Variants in RPS6KC1 observed in about 807,000 individuals in gnomAD.
RPS6KC1 encodes inactive ribosomal protein S6 kinase delta-1.
Under a neutral mutation model 103.8 loss-of-function variants are expected in RPS6KC1, and 54 were observed. That is an observed-to-expected ratio of 0.52 (90% CI 0.42 to 0.65). The LOEUF (loss-of-function observed/expected upper bound fraction) is 0.65, where lower values mean the gene tolerates loss of function less well. Among genes scored for constraint, RPS6KC1 ranks in the 30% least tolerant of loss-of-function variants. The pLI, the probability that RPS6KC1 is intolerant of heterozygous loss-of-function variation, is 0.00. For synonymous variants in RPS6KC1, 439 were observed against 438.7 expected (o/e 1.00, Z -0.01); for missense variants, 1,151 against 1,253.8 (o/e 0.92, Z 1.24).
chr1:213,602,104 C>CTT, the RPS6KC1 span, among the ~76,000 whole-genome samples: 173 of 29,714 alleles, frequency 5.8e-3, 15 homozygotes, highest in African/African-American at 0.017. Context: ...TTCTTTCTTT[C>CTT]TTTCTTTCTT....
the RPS6KC1 span, among the ~76,000 whole-genome samples, chr1:213,304,154 C>T: frequency 1.4e-5 from 2 of 145,112 alleles, no homozygotes; most frequent in Non-Finnish European, 3.0e-5. Context: ...TGCAGTGAGC[C>T]GAGATCCCGC....
At position 213,221,334 on chromosome 1, in the gene RPS6KC1, G is replaced by A. The variant is rs1436547726; in HGVS notation, c.1045-9163G>A. 2.6e-5 allele frequency among the ~76,000 whole-genome samples: 4 copies of A among 151,990 alleles called. No homozygotes were observed. In the East Asian group the frequency reaches 5.8e-4, roughly 22 times the overall value. On this transcript the variant is annotated intron_variant, in intron 8 of 14. Coordinates refer to ENST00000366960, the MANE Select transcript of RPS6KC1 (RefSeq NM_012424.6). Reference sequence around the variant, plus strand: ...CATAGGCGAACTGATGCTTCATGACGTTCTGTGTTTTCTGGTAGCTTGCCT... The same window carrying A: ...CATAGGCGAACTGATGCTTCATGACATTCTGTGTTTTCTGGTAGCTTGCCT...
At chr1:213,778,060 G>A in the RPS6KC1 span, among the ~76,000 whole-genome samples, 1 of 152,112 alleles carries the variant, frequency 6.6e-6, no homozygotes, top group Non-Finnish European at 1.5e-5. Context: ...GTCTGAACCC[G>A]AAATCCCAAT....
At chr1:213,149,893 A>G (rs1010194567) in intron 6 of RPS6KC1, among the ~76,000 whole-genome samples, 12 of 152,236 alleles carry the variant, frequency 7.9e-5, no homozygotes, top group African/African-American at 2.7e-4. Flanking sequence ...TTATCATTAT[A>G]TAGTGACCTT....
the RPS6KC1 span, among the ~76,000 whole-genome samples, chr1:213,320,834 A>G: frequency 3.9e-5 from 6 of 152,124 alleles, no homozygotes; most frequent in Admixed American, 3.3e-4. Context: ...TCCATCTGTG[A>G]GTCTTTGGGG....
the RPS6KC1 span, among the ~76,000 whole-genome samples, chr1:213,409,493 A>G: frequency 2.0e-5 from 3 of 152,110 alleles, no homozygotes; most frequent in African/African-American, 7.2e-5. Context: ...GAGGCAGAAA[A>G]AAAACATGAG....
chr1:213,665,893 A>G, the RPS6KC1 span, among the ~76,000 whole-genome samples: 1 of 152,234 alleles, frequency 6.6e-6, no homozygotes, highest in Non-Finnish European at 1.5e-5. Flanking sequence ...ATGGTAAGAC[A>G]TCCAAGTTAT....
chr1:213,334,391 A>T, the RPS6KC1 span, among the ~76,000 whole-genome samples: 4 of 152,230 alleles, frequency 2.6e-5, no homozygotes, highest in Non-Finnish European at 5.9e-5. Flanking sequence ...CAGCAACAAC[A>T]CTAGGACCTC....
At chr1:213,443,633 T>C in the RPS6KC1 span, among the ~76,000 whole-genome samples, 1 of 152,132 alleles carries the variant, frequency 6.6e-6, no homozygotes, top group Non-Finnish European at 1.5e-5. Flanking sequence ...AGTTTTGTTG[T>C]GGCCAGGTGT....
chr1:213,368,408 C>T, the RPS6KC1 span, among the ~76,000 whole-genome samples: 4 of 152,096 alleles, frequency 2.6e-5, no homozygotes, highest in African/African-American at 4.8e-5. Context: ...TTGTGAGTTC[C>T]GCGCCTGCTA....
the RPS6KC1 span, among the ~76,000 whole-genome samples, chr1:213,332,537 TG>T: frequency 6.6e-5 from 10 of 152,320 alleles, no homozygotes; most frequent in Middle Eastern, 3.4e-3. Flanking sequence ...CCCAGGAATT[TG>T]GCCTGAGAGA....
At chr1:213,509,729 A>G in the RPS6KC1 span, among the ~76,000 whole-genome samples, 1 of 152,234 alleles carries the variant, frequency 6.6e-6, no homozygotes, top group South Asian at 2.1e-4. Context: ...TCATTAATAC[A>G]TTTTATAATG....
rs141470758 is a variant in RPS6KC1, at chr1:213,266,172, A to G, written c.3090+3356A>G. ...AAGCATATATTGGAATTATAGGGCT[A>G]CTAATGAAGAATGAGGCTATTGCTA... On this transcript the variant is annotated intron_variant, in intron 14 of 14. Transcript: ENST00000366960. Among the ~76,000 whole-genome samples, 868 of 152,354 alleles carry G rather than the reference A, an allele frequency of 5.7e-3. 11 individuals are homozygous for G. The highest frequency in any genetic ancestry group is 0.017 in the African/African-American group (725 of 41,588).
chr1:213,589,938 G>GGGGTGTGTGTGTGTGTGT, the RPS6KC1 span, among the ~76,000 whole-genome samples: 7 of 132,824 alleles, frequency 5.3e-5, no homozygotes, highest in African/African-American at 1.9e-4. Context: ...AAAAGGTAGT[G>GGGGTGTGTGTGTGTGTGT]GTGTGTGTGT....
At chr1:213,104,041 A>G (rs755309096) in intron 3 of RPS6KC1, among the ~76,000 whole-genome samples, 21 of 152,142 alleles carry the variant, frequency 1.4e-4, no homozygotes, top group Non-Finnish European at 2.4e-4. Context: ...TCCTCTCTTC[A>G]GCCCCTTTAT....
Position 213,272,670 on chromosome 1 carries a change from T to G in RPS6KC1, c.*36T>G. On this transcript the variant is annotated 3_prime_UTR_variant, in exon 15 of 15. Transcript: ENST00000366960. ...GGGTTATCTTCACACATTCTGATCT[T>G]CTCTGTGACAGGCATCTCCAGCACT... is the stretch of plus-strand genomic sequence containing the variant. 6.7e-7 allele frequency: 1 copy of G among 1,493,982 alleles called. No individual in the cohort carries two copies. Among genetic ancestry groups the G allele is most frequent in the Non-Finnish European group, 9.3e-7 (1 of 1,071,106 alleles). 92.5% of individuals were successfully genotyped at this position (1,493,982 alleles called of 1,614,324 possible).
chr1:213,652,622 C>T, the RPS6KC1 span, among the ~76,000 whole-genome samples: 44 of 152,312 alleles, frequency 2.9e-4, no homozygotes, highest in South Asian at 1.0e-3. Flanking sequence ...TTAGGCTTTG[C>T]GGCTTCTGGT....
chr1:213,537,177 C>T, the RPS6KC1 span, among the ~76,000 whole-genome samples: 1 of 152,190 alleles, frequency 6.6e-6, no homozygotes, highest in Non-Finnish European at 1.5e-5. Flanking sequence ...TAAGGCCGTG[C>T]TCCTTGCGAT....
the RPS6KC1 span, among the ~76,000 whole-genome samples, chr1:213,396,004 A>G: frequency 6.6e-6 from 1 of 152,198 alleles, no homozygotes. Context: ...GGGCAGGTAG[A>G]TGTTTAAGAG....
Sources: gnomAD v4.1 joint callset for allele counts (sites outside exome capture counted in the v4.1 genomes callset) on GRCh38, gnomAD v4.1.1 for gene constraint, MANE v1.5 for transcripts, NCBI Gene and HGNC (gene_info 2026-07-23, HGNC 2026-07-21) for gene names.